The following CTIF variants were observed in gnomAD, a reference collection of about 807,000 sequenced individuals.
The protein encoded by CTIF is CBP80/20-dependent translation initiation factor.
Under a neutral mutation model 66.0 loss-of-function variants are expected in CTIF, and 21 were observed. That is an observed-to-expected ratio of 0.32 (90% confidence interval 0.23 to 0.46). The LOEUF is 0.46. Among genes scored for constraint, CTIF ranks in the 20% least tolerant of loss-of-function variants. The probability of loss-of-function intolerance (pLI) is 1.00; values close to 1 mark genes in which losing one functional copy is unlikely to be tolerated. For missense variants in CTIF, 739 were observed against 812.7 expected, an observed-to-expected ratio of 0.91 and a Z score of 1.10; for synonymous variants, 345 against 326.4, an observed-to-expected ratio of 1.06 and a Z score of -0.62.
intron 1 of CTIF, among the ~76,000 whole-genome samples, chr18:48,613,685 G>A (rs2090348954): frequency 1.3e-5 from 2 of 152,230 alleles, no homozygotes; most frequent in East Asian, 3.8e-4. Context: ...TTGTTTAACA[G>A]AGATGCAGAC....
intron 1 of CTIF, among the ~76,000 whole-genome samples, chr18:48,609,467 G>A (rs1196524939): frequency 6.6e-6 from 1 of 152,212 alleles, no homozygotes; most frequent in Non-Finnish European, 1.5e-5. Flanking sequence ...ATGCCTAGCG[G>A]TGTTGAGCAC....
chr18:48,758,022 G>C lies in CTIF; in HGVS notation c.688G>C (p.Gly230Arg), dbSNP rs942032486. ...NRDHQKSYQG[G>R]SAPHPSGRPT... ...GGACCACCAGAAATCCTACCAGGGGGGCTCAGCACCCCACCCCTCAGGGAG... is the reference window on the plus strand; with the variant it reads ...GGACCACCAGAAATCCTACCAGGGGCGCTCAGCACCCCACCCCTCAGGGAG... The change falls in exon 8 of 12, where the codon GGC (glycine) becomes CGC (arginine). Residue 230 changes from glycine (G) to arginine (R), a missense_variant. Coordinates refer to ENST00000256413, the MANE Select transcript of CTIF (RefSeq NM_014772.3). The C allele has an allele frequency of 6.2e-7, 1 of 1,614,018 alleles. No individual in the cohort carries two copies. The highest frequency in any genetic ancestry group is 1.1e-5 in the South Asian group (1 of 91,078).
At chr18:48,558,426 A>G (rs1004264144) in intron 1 of CTIF, among the ~76,000 whole-genome samples, 4 of 152,222 alleles carry the variant, frequency 2.6e-5, no homozygotes, top group Non-Finnish European at 5.9e-5. Flanking sequence ...TGCATGAACT[A>G]GTTTGGGTTG....
At chr18:48,813,048 T>C (rs2068293500) in intron 9 of CTIF, among the ~76,000 whole-genome samples, 1 of 152,200 alleles carries the variant, frequency 6.6e-6, no homozygotes, top group Admixed American at 6.5e-5. Flanking sequence ...CTTTCTGGTC[T>C]ATTTATCTAT....
At chr18:48,739,151 G>A (rs377227755) in intron 7 of CTIF, among the ~76,000 whole-genome samples, 6 of 152,356 alleles carry the variant, frequency 3.9e-5, no homozygotes, top group African/African-American at 1.4e-4. Context: ...CCTCATCTGG[G>A]TGGGAGTCAT....
intron 10 of CTIF, among the ~76,000 whole-genome samples, chr18:48,833,180 C>T (rs2068731623): frequency 6.6e-6 from 1 of 152,174 alleles, no homozygotes; most frequent in Non-Finnish European, 1.5e-5. Flanking sequence ...GGGCGTGGGC[C>T]AGGGATTAGC....
intron 9 of CTIF, among the ~76,000 whole-genome samples, chr18:48,767,080 C>T (rs867301802): frequency 6.6e-6 from 1 of 152,172 alleles, no homozygotes; most frequent in Non-Finnish European, 1.5e-5. Context: ...ACCAAGGTTC[C>T]CAACTTCTCT....
chr18:48,592,620 C>T lies in CTIF; in HGVS notation c.-28-26918C>T, dbSNP rs571619255. On this transcript the variant is annotated intron_variant, in intron 1 of 11. Coordinates refer to ENST00000256413, the MANE Select transcript of CTIF (RefSeq NM_014772.3). ...GAGAAGCTGTGCGTGGGCAACCACT[C>T]AAGTGCAGTGAGTGGATTAATAACC... Among the ~76,000 whole-genome samples the T allele has an allele frequency of 1.4e-4, 21 of 152,264 alleles. No homozygotes were observed. In the East Asian group the frequency reaches 4.0e-3, roughly 29 times the overall value.
intron 10 of CTIF, among the ~76,000 whole-genome samples, chr18:48,835,800 T>G (rs1381406295): frequency 6.6e-6 from 1 of 152,098 alleles, no homozygotes; most frequent in Non-Finnish European, 1.5e-5. Context: ...GTGTGGGAGC[T>G]GTCGGTCATG....
intron 7 of CTIF, among the ~76,000 whole-genome samples, chr18:48,725,011 CAT>C (rs779832424): frequency 1.4e-4 from 22 of 152,214 alleles, no homozygotes; most frequent in Admixed American, 3.3e-4. Context: ...CAAGAAAAGA[CAT>C]GTGTGAACTT....
intron 7 of CTIF, among the ~76,000 whole-genome samples, chr18:48,722,381 A>G (rs999414428): frequency 2.6e-5 from 4 of 151,700 alleles, no homozygotes; most frequent in African/African-American, 9.7e-5. Context: ...ACACTTGGCT[A>G]AATTTTTTAT....
intron 10 of CTIF, among the ~76,000 whole-genome samples, chr18:48,853,810 C>T (rs1029959695): frequency 6.6e-6 from 1 of 152,170 alleles, no homozygotes; most frequent in Non-Finnish European, 1.5e-5. Flanking sequence ...ATGGATGCAA[C>T]GTGACAGGAG....
intron 7 of CTIF, among the ~76,000 whole-genome samples, chr18:48,745,052 G>T (rs1003694017): frequency 6.6e-6 from 1 of 151,996 alleles, no homozygotes; most frequent in Non-Finnish European, 1.5e-5. Flanking sequence ...TCGATCTCCT[G>T]ACCATGTGAT....
At chr18:48,626,083 C>T (rs1026747784) in intron 2 of CTIF, among the ~76,000 whole-genome samples, 2 of 145,956 alleles carry the variant, frequency 1.4e-5, no homozygotes, top group African/African-American at 5.1e-5. Context: ...CTCACTGCAA[C>T]CTCCCCCCAC....
At chr18:48,737,865 G>C (rs944097774) in intron 7 of CTIF, among the ~76,000 whole-genome samples, 4 of 152,252 alleles carry the variant, frequency 2.6e-5, no homozygotes, top group Non-Finnish European at 2.9e-5. Context: ...GTAAGTAGAA[G>C]TTAGATTGAT....
chr18:48,713,126 G>T (rs527944700), intron 7 of CTIF, among the ~76,000 whole-genome samples: 64 of 152,190 alleles, frequency 4.2e-4, no homozygotes, highest in Non-Finnish European at 9.0e-4. Context: ...CTGGTTTCTG[G>T]GTTCCTGGTA....
intron 6 of CTIF, among the ~76,000 whole-genome samples, chr18:48,691,904 CAG>C (rs973864265): frequency 4.6e-5 from 7 of 152,192 alleles, no homozygotes; most frequent in Admixed American, 6.5e-5. Flanking sequence ...CTTTTTGAGA[CAG>C]AGTCTCACTC....
At chr18:48,704,723 G>T (rs897088328) in intron 6 of CTIF, among the ~76,000 whole-genome samples, 1 of 152,176 alleles carries the variant, frequency 6.6e-6, no homozygotes. Context: ...CCCCACACAT[G>T]CACATTCCAA....
chr18:48,771,543 G>T (rs1599014467), intron 9 of CTIF, among the ~76,000 whole-genome samples: 1 of 152,186 alleles, frequency 6.6e-6, no homozygotes, highest in South Asian at 2.1e-4. Flanking sequence ...CCCCTTCCCT[G>T]CATGCCCTCA....
Sources: allele counts gnomAD v4.1 joint callset (sites outside exome capture counted in the v4.1 genomes callset), GRCh38; gene constraint gnomAD v4.1.1; transcripts MANE v1.5; gene names NCBI Gene and HGNC (gene_info 2026-07-23, HGNC 2026-07-21).